The following FAT3 variants were observed in gnomAD, a reference collection of about 807,000 sequenced individuals.
FAT3 encodes protocadherin Fat 3.
FAT3 carries 95 observed loss-of-function variants against 310.2 expected under a neutral mutation model. The observed-to-expected ratio is 0.31, with a 90% CI of 0.26 to 0.36. FAT3 has a LOEUF of 0.36. Ranked by LOEUF, FAT3 falls within the 10% of genes least tolerant of loss-of-function variation. The probability of loss-of-function intolerance (pLI) is 1.00; values close to 1 mark genes in which losing one functional copy is unlikely to be tolerated. For missense variants in FAT3, 5,408 were observed against 5,715.6 expected (o/e 0.95, Z 1.74); for synonymous variants, 2,314 against 2,192.9 (o/e 1.06, Z -1.54).
intron 2 of FAT3, among the ~76,000 whole-genome samples, chr11:92,503,118 G>C (rs888043333): frequency 6.6e-6 from 1 of 152,046 alleles, no homozygotes; most frequent in Admixed American, 6.6e-5. Context: ...CTTGGTGTTA[G>C]GGTTCCATTT....
At chr11:92,227,076 G>A (rs1405367493) in intron 1 of FAT3, among the ~76,000 whole-genome samples, 1 of 152,220 alleles carries the variant, frequency 6.6e-6, no homozygotes, top group African/African-American at 2.4e-5. Flanking sequence ...AGTGCCTGGG[G>A]AGGTGCGACG....
At chr11:92,476,521 A>C in intron 2 of FAT3, among the ~76,000 whole-genome samples, 1 of 152,336 alleles carries the variant, frequency 6.6e-6, no homozygotes, top group East Asian at 1.9e-4. Flanking sequence ...CAGAAAGCAC[A>C]AAATGAGGCA....
Position 92,883,331 on chromosome 11 carries a change from T to A in FAT3, c.12875T>A (p.Val4292Glu), listed in dbSNP as rs1402938898. The A allele has an allele frequency of 3.1e-6, 5 of 1,611,202 alleles. No individual in the cohort carries two copies. Among genetic ancestry groups the A allele is most frequent in the African/African-American group, 2.7e-5 (2 of 74,884 alleles). The change falls in exon 24 of 28, where the codon GTG becomes GAG. Residue 4292 changes from valine to glutamate, a missense_variant. Val to Glu is a moderately radical substitution (Grantham distance 121, BLOSUM62 -2). Transcript: ENST00000525166. The surrounding 1 kb of genome is among the most constrained non-coding windows in gnomAD (Gnocchi z 4.2). ...VCSVAPNLPA[V>E]SPCRSDCDSI... ...AGTGTGGCCCCCAACCTCCCCGCCG[T>A]GTCACCCTGCCGCTCCGACTGCGAC...
rs117913077 is a variant in FAT3 at position 92,246,643 on chromosome 11, G to A, written c.-18+21469G>A. ...CTGACATGATTGTGGAAAAGGTAGA[G>A]ATTCTAAGGAAATTGATGAAGGTTT... On this transcript the variant is annotated intron_variant, in intron 1 of 27. Transcript: ENST00000525166. Among the ~76,000 whole-genome samples, 544 of 152,190 alleles carry A rather than the reference G, an allele frequency of 3.6e-3. 1 individual carries two copies. Among genetic ancestry groups the A allele is most frequent in the Non-Finnish European group, 5.5e-3 (376 of 67,992 alleles).
intron 3 of FAT3, among the ~76,000 whole-genome samples, chr11:92,553,687 T>C (rs1209476824): frequency 2.2e-5 from 1 of 44,784 alleles, no homozygotes; most frequent in Non-Finnish European, 6.5e-5. Context: ...CTTCCTTCCT[T>C]CCTTCCTTCC....
intron 1 of FAT3, among the ~76,000 whole-genome samples, chr11:92,315,482 T>TAC (rs1947421071): frequency 2.0e-5 from 1 of 49,538 alleles, no homozygotes; most frequent in Non-Finnish European, 3.8e-5. Flanking sequence ...TGTGTGTGTA[T>TAC]ATATATATAT....
At chr11:92,838,523 G>C (rs1365363502) in intron 17 of FAT3, among the ~76,000 whole-genome samples, 2 of 152,178 alleles carry the variant, frequency 1.3e-5, no homozygotes, top group Non-Finnish European at 2.9e-5. Flanking sequence ...GGAGCTGAAA[G>C]CCCAACTTTA....
At chr11:92,874,643 G>A (rs1456967828) in intron 22 of FAT3, among the ~76,000 whole-genome samples, 3 of 152,174 alleles carry the variant, frequency 2.0e-5, no homozygotes, top group African/African-American at 4.8e-5. Flanking sequence ...GGATTCAAGT[G>A]ATTCTCCTGC....
chr11:92,799,517 G>C lies in FAT3; in HGVS notation c.6504G>C (p.Leu2168Phe). 1.2e-6 allele frequency: 2 copies of C among 1,613,712 alleles called. No individual in the cohort carries two copies. The highest frequency in any genetic ancestry group is 1.7e-5 in the Admixed American group (1 of 60,006). Residue 2168 changes from leucine (L) to phenylalanine (F), a missense_variant, in exon 10 of 28, where the codon TTG becomes TTC. Coordinates refer to ENST00000525166, the MANE Select transcript of FAT3 (RefSeq NM_001367949.2). The stretch of plus-strand genomic sequence containing the variant: ...CCAAGGATGGCGGAAAACCTTCTTT[G>C]TCTACATCTGTGGAGCTTCCCATCA... ...ILAKDGGKPS[L>F]STSVELPITI...
intron 2 of FAT3, among the ~76,000 whole-genome samples, chr11:92,470,363 G>A (rs1441482583): frequency 6.6e-5 from 10 of 152,170 alleles, no homozygotes; most frequent in African/African-American, 2.4e-4. Context: ...GTTATATAAT[G>A]TATACTTTTT....
At chr11:92,431,497 C>CTTCT (rs1950776699) in intron 2 of FAT3, among the ~76,000 whole-genome samples, 1 of 152,172 alleles carries the variant, frequency 6.6e-6, no homozygotes, top group South Asian at 2.1e-4. Context: ...TTTTGCTGTG[C>CTTCT]AGAAGCTCTT....
intron 3 of FAT3, among the ~76,000 whole-genome samples, chr11:92,533,997 G>A (rs746360634): frequency 6.6e-6 from 1 of 152,116 alleles, no homozygotes; most frequent in Non-Finnish European, 1.5e-5. Flanking sequence ...TTCTATCTGG[G>A]CATTATTTCC....
At chr11:92,615,915 A>T (rs1940781033) in intron 3 of FAT3, among the ~76,000 whole-genome samples, 1 of 152,100 alleles carries the variant, frequency 6.6e-6, no homozygotes, top group African/African-American at 2.4e-5. Flanking sequence ...TCAATTTTGG[A>T]ATAAGTGTGA....
chr11:92,545,730 A>T (rs1410967448), intron 3 of FAT3, among the ~76,000 whole-genome samples: 1 of 152,184 alleles, frequency 6.6e-6, no homozygotes, highest in Non-Finnish European at 1.5e-5. Context: ...AGCCAGGCAC[A>T]TCCTTTTCTC....
chr11:92,278,620 A>G (rs1041169843), intron 1 of FAT3, among the ~76,000 whole-genome samples: 1 of 152,168 alleles, frequency 6.6e-6, no homozygotes, highest in East Asian at 1.9e-4. Flanking sequence ...CTACATATAT[A>G]TATACACACA....
At chr11:92,239,238 A>G (rs987443211) in intron 1 of FAT3, among the ~76,000 whole-genome samples, 1 of 151,676 alleles carries the variant, frequency 6.6e-6, no homozygotes, top group Non-Finnish European at 1.5e-5. Context: ...ACTGCTATTT[A>G]TTTTCTTACT....
rs533880018 is a variant in FAT3, at chr11:92,233,833, A to G, written c.-18+8659A>G. On this transcript the variant is annotated intron_variant, in intron 1 of 27. Transcript: ENST00000525166. ...AATCTTCTTTTATTTGGAAGTGTAC[A>G]TTTTGTAAGTGTAATAACTTGCAAT... 5.3e-5 allele frequency among the ~76,000 whole-genome samples: 8 copies of G among 152,310 alleles called. 1 individual carries two copies. Among genetic ancestry groups the G allele is most frequent in the Middle Eastern group, 6.8e-3 (2 of 294 alleles).
rs1181265131 is a variant in FAT3, at chr11:92,892,916, C to T, written c.*1803C>T. The T allele has an allele frequency of 6.6e-6, 1 of 152,080 alleles. No homozygotes were observed. The highest frequency in any genetic ancestry group is 2.4e-5 in the African/African-American group (1 of 41,418). 9.4% of individuals were successfully genotyped at this position (152,080 alleles called of 1,614,324 possible). Reference sequence around the variant, plus strand: ...AACTGAAAGTTGACAGGTTGAGGGACTTTCCTTTTTTGCTTCAATCAGATT... The same window carrying T: ...AACTGAAAGTTGACAGGTTGAGGGATTTTCCTTTTTTGCTTCAATCAGATT... On this transcript the variant is annotated 3_prime_UTR_variant, in exon 28 of 28. Transcript: ENST00000525166.
chr11:92,747,391 C>A (rs1945701929), intron 4 of FAT3, among the ~76,000 whole-genome samples: 1 of 152,198 alleles, frequency 6.6e-6, no homozygotes, highest in Non-Finnish European at 1.5e-5. Flanking sequence ...ATGCAGGGCA[C>A]CATGTCCTGA....
Sources: allele counts gnomAD v4.1 joint callset (sites outside exome capture counted in the v4.1 genomes callset), GRCh38; gene constraint gnomAD v4.1.1; non-coding constraint Gnocchi (gnomAD v3.1); transcripts MANE v1.5; gene names NCBI Gene and HGNC (gene_info 2026-07-23, HGNC 2026-07-21).